The following GABRG2 variants were observed in gnomAD, a reference collection of about 807,000 sequenced individuals.
GABRG2 encodes the protein gamma-aminobutyric acid receptor subunit gamma-2.
Under a neutral mutation model 56.4 loss-of-function variants are expected in GABRG2, and 16 were observed. The observed-to-expected ratio is 0.28, with a 90% CI of 0.19 to 0.43. The LOEUF is 0.43. Ranked by LOEUF, GABRG2 falls within the 20% of genes least tolerant of loss-of-function variation. GABRG2 has a pLI of 1.00. For missense variants in GABRG2, 327 were observed against 582.7 expected, an observed-to-expected ratio of 0.56 and a Z score of 4.52; for synonymous variants, 208 against 205.5, an observed-to-expected ratio of 1.01 and a Z score of -0.10.
At position 162,119,886 on chromosome 5, in the gene GABRG2, G is replaced by A. The variant is rs145005040; in HGVS notation, c.769+15860G>A. ...TTGGTATAGTCATAATGCTGTTTAA[G>A]AGCTATTGTAGTTCTTAATTGTGAC... On this transcript the variant is annotated intron_variant, in intron 6 of 9. Transcript: ENST00000639213. 9.1e-4 allele frequency among the ~76,000 whole-genome samples: 139 copies of A among 152,208 alleles called. 1 individual carries two copies. Among genetic ancestry groups the A allele is most frequent in the African/African-American group, 3.2e-3 (132 of 41,540 alleles).
chr5:162,092,207 G>A (rs926194564), intron 1 of GABRG2, among the ~76,000 whole-genome samples: 11 of 152,020 alleles, frequency 7.2e-5, no homozygotes, highest in East Asian at 1.9e-4. Context: ...CTCTGCTTGC[G>A]TGGAGGCTTT....
intron 1 of GABRG2, among the ~76,000 whole-genome samples, chr5:162,075,916 G>A (rs1192400306): frequency 3.9e-5 from 6 of 152,048 alleles, no homozygotes; most frequent in African/African-American, 1.4e-4. Context: ...GATTTGGGAA[G>A]CTGAGGCAGG....
chr5:162,070,829 G>A (rs1758615262), intron 1 of GABRG2, among the ~76,000 whole-genome samples: 2 of 151,950 alleles, frequency 1.3e-5, no homozygotes, highest in South Asian at 2.1e-4. Flanking sequence ...GAATCATTAT[G>A]TCTGGGGAGA....
chr5:162,094,106 A>G (rs779813093), intron 2 of GABRG2, 127 bp downstream of exon 2: 45 of 1,076,196 alleles, frequency 4.2e-5, no homozygotes, highest in Non-Finnish European at 6.2e-5. Flanking sequence ...TATGTTGTAA[A>G]AGTAGTGTTT....
chr5:162,096,573 A>G (rs1761012753), intron 3 of GABRG2, among the ~76,000 whole-genome samples: 1 of 152,104 alleles, frequency 6.6e-6, no homozygotes, highest in Non-Finnish European at 1.5e-5. Flanking sequence ...CATTACTTGT[A>G]GACTGTAAAA....
intron 6 of GABRG2, chr5:162,129,255 A>C (rs557580666): frequency 6.6e-6 from 1 of 152,140 alleles, no homozygotes; most frequent in South Asian, 2.1e-4. Flanking sequence ...GGTGAATTTG[A>C]CATTGGGTAA....
rs533258756 is a variant in GABRG2 at position 162,105,432 on chromosome 5, CTTTT to C, written c.769+1418_769+1421del. ...GACCATCAAGTATTAGTAGAACAATCTTTTTTTTTTTTTTTGAGAAGGAGTCTCG... is the reference window on the plus strand; with the variant it reads ...GACCATCAAGTATTAGTAGAACAATCTTTTTTTTTTTGAGAAGGAGTCTCG... On this transcript the variant is annotated intron_variant, in intron 6 of 9. Transcript: ENST00000639213. 1.9e-5 allele frequency among the ~76,000 whole-genome samples: 2 copies of C among 104,114 alleles called. 1 individual carries two copies. Among genetic ancestry groups the C allele is most frequent in the Non-Finnish European group, 3.6e-5 (2 of 55,118 alleles). The allele number at this position is 104,114 out of a possible 152,430, so 68.3% of individuals were successfully genotyped here. A position where few individuals can be genotyped will look rare whatever the true frequency, so the allele number is the denominator to read the frequency against.
intron 7 of GABRG2, among the ~76,000 whole-genome samples, chr5:162,145,848 T>C (rs1764914297): frequency 6.6e-6 from 1 of 152,218 alleles, no homozygotes; most frequent in South Asian, 2.1e-4. Flanking sequence ...ATTTAGTTTT[T>C]CAGTCCTCTG....
intron 1 of GABRG2, among the ~76,000 whole-genome samples, chr5:162,090,712 T>C (rs1760505452): frequency 6.6e-6 from 1 of 152,196 alleles, no homozygotes; most frequent in African/African-American, 2.4e-5. Context: ...TAAGAAAGTA[T>C]TTTTAATTAT....
intron 6 of GABRG2, among the ~76,000 whole-genome samples, chr5:162,109,448 A>T (rs1023841554): frequency 1.4e-5 from 2 of 145,018 alleles, no homozygotes; most frequent in Middle Eastern, 3.6e-3. Context: ...TGAAAACATG[A>T]TTTCTGCCTT....
At position 162,068,025 on chromosome 5, in the gene GABRG2, C is replaced by T; in HGVS notation, c.26C>T (p.Thr9Ile). The part of the protein sequence containing the change: MSSPNIWS[T>I]GSSVYSTPVF... Reference sequence around the variant, plus strand: ...ATGAGTTCGCCAAATATATGGAGCACAGGAAGCTCAGTCTACTCGACTCCT... The same window carrying T: ...ATGAGTTCGCCAAATATATGGAGCATAGGAAGCTCAGTCTACTCGACTCCT... The change falls in exon 1 of 10, where the codon ACA (threonine) becomes ATA (isoleucine). Residue 9 changes from threonine to isoleucine, a missense_variant. Physicochemically the swap from Thr to Ile is moderately conservative, Grantham distance 89. This residue lies in a region of GABRG2 where 73 missense variants were observed against 72.2 expected (regional missense o/e 1.01). Transcript: ENST00000639213. 6.2e-7 allele frequency: 1 copy of T among 1,612,358 alleles called. No homozygotes were observed. Among genetic ancestry groups the T allele is most frequent in the Non-Finnish European group, 8.5e-7 (1 of 1,179,456 alleles).
In GABRG2 at chr5:162,142,329, T is replaced by A. The variant is rs375947335; in HGVS notation, c.922+13T>A. ...AGAACATCTTTAGGTGAGACACCTT[T>A]GTTTATGTTGCAGTTTCTCAAGATA... On this transcript the variant is annotated intron_variant, in intron 7 of 9. Coordinates refer to ENST00000639213, the MANE Select transcript of GABRG2 (RefSeq NM_198904.4). The A allele has an allele frequency of 1.2e-5, 20 of 1,613,750 alleles. No homozygotes were observed. Among genetic ancestry groups the A allele is most frequent in the Non-Finnish European group, 1.4e-5 (17 of 1,179,840 alleles).
At chr5:162,093,048 A>G (rs1228331648) in intron 1 of GABRG2, among the ~76,000 whole-genome samples, 3 of 152,270 alleles carry the variant, frequency 2.0e-5, no homozygotes, top group East Asian at 3.9e-4. Flanking sequence ...CCAATTGCTG[A>G]AAGGGTTTCT....
At chr5:162,117,915 C>T (rs1156755372) in intron 6 of GABRG2, among the ~76,000 whole-genome samples, 1 of 152,064 alleles carries the variant, frequency 6.6e-6, no homozygotes, top group East Asian at 1.9e-4. Flanking sequence ...ATGCTAAAGC[C>T]AACTTTTGTT....
chr5:162,076,869 G>T (rs1759160426), intron 1 of GABRG2, among the ~76,000 whole-genome samples: 1 of 152,028 alleles, frequency 6.6e-6, no homozygotes, highest in Non-Finnish European at 1.5e-5. Context: ...AACATCATCT[G>T]TCACCTGGGT....
chr5:162,097,938 GAAAA>G, intron 4 of GABRG2, 80 bp downstream of exon 4: 3 of 865,576 alleles, frequency 3.5e-6, no homozygotes, highest in East Asian at 3.2e-5. Flanking sequence ...GTCTCTAAAA[GAAAA>G]AAAAAAAAGG....
At chr5:162,075,351 A>G (rs1759009113) in intron 1 of GABRG2, among the ~76,000 whole-genome samples, 1 of 152,096 alleles carries the variant, frequency 6.6e-6, no homozygotes, top group East Asian at 1.9e-4. Flanking sequence ...CACCTTCTCA[A>G]TAAAGCCTGC....
intron 9 of GABRG2, 68 bp downstream of exon 9, chr5:162,151,821 G>T (rs886469561): frequency 1.5e-5 from 20 of 1,378,614 alleles, no homozygotes; most frequent in Admixed American, 3.5e-5. Flanking sequence ...TGCTTACATG[G>T]TGTTTTATTT....
intron 1 of GABRG2, among the ~76,000 whole-genome samples, chr5:162,092,298 C>G (rs1038332281): frequency 3.3e-5 from 5 of 152,126 alleles, no homozygotes; most frequent in Non-Finnish European, 5.9e-5. Context: ...CTCCTTTAAA[C>G]TTCCTATGCT....
Sources: gnomAD v4.1 joint callset for allele counts (sites outside exome capture counted in the v4.1 genomes callset) on GRCh38, gnomAD v4.1.1 for gene constraint, gnomAD v4.1.1 regional missense constraint, MANE v1.5 for transcripts, NCBI Gene and HGNC (gene_info 2026-07-23, HGNC 2026-07-21) for gene names.